SUGCT: variants seen among roughly 807,000 people sequenced by gnomAD.
The protein encoded by SUGCT is succinyl-CoA:glutarate-CoA transferase.
SUGCT carries 41 observed loss-of-function variants against 55.0 expected under a neutral mutation model. The observed-to-expected ratio is 0.74, with a 90% CI of 0.58 to 0.97. The LOEUF is 0.97. SUGCT is among the 50% of genes least tolerant of loss of function. SUGCT has a pLI of 0.00. For synonymous variants in SUGCT, 187 were observed against 200.4 expected (o/e 0.93, Z 0.56); for missense variants, 568 against 547.8 (o/e 1.04, Z -0.37).
intron 12 of SUGCT, among the ~76,000 whole-genome samples, chr7:40,622,528 G>GT (rs370877783): frequency 0.15 from 12,286 of 81,974 alleles, 772 homozygotes; most frequent in Middle Eastern, 0.21. Flanking sequence ...TGTTGTGGTT[G>GT]TTTTTTTTTT....
intron 12 of SUGCT, among the ~76,000 whole-genome samples, chr7:40,626,224 C>T (rs1799519612): frequency 6.6e-6 from 1 of 151,928 alleles, no homozygotes; most frequent in African/African-American, 2.4e-5. Flanking sequence ...ATTTTCCTGC[C>T]TTTAAAGAGA....
At chr7:40,929,011 G>A in the SUGCT span, among the ~76,000 whole-genome samples, 1 of 152,056 alleles carries the variant, frequency 6.6e-6, no homozygotes. Context: ...GTATACATGT[G>A]CCATGTTGGT....
intron 12 of SUGCT, among the ~76,000 whole-genome samples, chr7:40,649,560 T>A (rs960727509): frequency 4.6e-5 from 7 of 152,224 alleles, no homozygotes; most frequent in African/African-American, 1.7e-4. Flanking sequence ...CTATATTAAT[T>A]CTATCTTCTA....
chr7:40,716,655 T>A (rs1407018324), intron 12 of SUGCT, among the ~76,000 whole-genome samples: 1 of 152,060 alleles, frequency 6.6e-6, no homozygotes, highest in Non-Finnish European at 1.5e-5. Flanking sequence ...TTCAATTTAA[T>A]ATATAATAAT....
At chr7:40,161,571 T>C (rs1374556736) in intron 1 of SUGCT, among the ~76,000 whole-genome samples, 1 of 152,266 alleles carries the variant, frequency 6.6e-6, no homozygotes, top group Admixed American at 6.5e-5. Context: ...TTTTCTTGTT[T>C]GCACTAAAGT....
At chr7:40,278,304 A>C (rs1792676874) in intron 8 of SUGCT, among the ~76,000 whole-genome samples, 1 of 152,174 alleles carries the variant, frequency 6.6e-6, no homozygotes, top group Non-Finnish European at 1.5e-5. Flanking sequence ...GTGGAGAAAT[A>C]GGAACACTTT....
chr7:40,985,324 G>A, the SUGCT span, among the ~76,000 whole-genome samples: 255 of 152,254 alleles, frequency 1.7e-3, 1 homozygote, highest in African/African-American at 5.6e-3. Flanking sequence ...TTGTATCAGC[G>A]TTGAGCTTTC....
chr7:40,214,026 G>C (rs1210520175), intron 6 of SUGCT, among the ~76,000 whole-genome samples: 1 of 152,066 alleles, frequency 6.6e-6, no homozygotes. Flanking sequence ...TCCATTTTTA[G>C]ATTTTGAAAC....
chr7:40,777,018 G>A (rs1227784373), intron 13 of SUGCT, among the ~76,000 whole-genome samples: 1 of 152,192 alleles, frequency 6.6e-6, no homozygotes, highest in Non-Finnish European at 1.5e-5. Context: ...AGCATGAGAA[G>A]ATGCTGACAA....
At chr7:40,842,050 G>C (rs971726977) in intron 13 of SUGCT, among the ~76,000 whole-genome samples, 1 of 152,014 alleles carries the variant, frequency 6.6e-6, no homozygotes, top group East Asian at 1.9e-4. Context: ...ATTAATATTA[G>C]GAACATTGGA....
intron 12 of SUGCT, among the ~76,000 whole-genome samples, chr7:40,632,171 C>T (rs929129632): frequency 1.3e-5 from 2 of 152,122 alleles, no homozygotes; most frequent in African/African-American, 4.8e-5. Context: ...ATGACCTATT[C>T]TTGTTTGACA....
chr7:40,988,611 G>A, the SUGCT span, among the ~76,000 whole-genome samples: 3 of 151,912 alleles, frequency 2.0e-5, no homozygotes, highest in East Asian at 1.9e-4. Context: ...AAAAGTGTGT[G>A]TTTAAAAAAA....
chr7:40,918,062 G>A, the SUGCT span, among the ~76,000 whole-genome samples: 5 of 152,166 alleles, frequency 3.3e-5, no homozygotes, highest in African/African-American at 1.2e-4. Context: ...TACATGGAGA[G>A]GTGGGAAATG....
At chr7:40,960,302 T>A in the SUGCT span, among the ~76,000 whole-genome samples, 26 of 152,364 alleles carry the variant, frequency 1.7e-4, no homozygotes, top group South Asian at 5.4e-3. Flanking sequence ...GAGAGTTGTT[T>A]CTCTGCAGTT....
At chr7:40,422,075 G>A (rs1205329105) in intron 9 of SUGCT, among the ~76,000 whole-genome samples, 2 of 142,254 alleles carry the variant, frequency 1.4e-5, no homozygotes, top group Non-Finnish European at 3.0e-5. Flanking sequence ...GGGACTGTTT[G>A]TACCTTTTTT....
At chr7:40,703,336 T>C (rs1280175456) in intron 12 of SUGCT, among the ~76,000 whole-genome samples, 1 of 152,170 alleles carries the variant, frequency 6.6e-6, no homozygotes, top group Non-Finnish European at 1.5e-5. Context: ...AGGGTCCGAT[T>C]GACCATGGTT....
At chr7:40,174,960 A>G (rs926192290) in intron 1 of SUGCT, among the ~76,000 whole-genome samples, 11 of 152,168 alleles carry the variant, frequency 7.2e-5, no homozygotes, top group African/African-American at 2.7e-4. Flanking sequence ...TGAGAAAAAA[A>G]ATTTTATTGT....
At chr7:40,242,921 A>ATG (rs1169404423) in intron 7 of SUGCT, among the ~76,000 whole-genome samples, 766 of 25,134 alleles carry the variant, frequency 0.03, 53 homozygotes, top group African/African-American at 0.091. Context: ...ATATATATAT[A>ATG]TATATATATA....
At chr7:40,405,289 G>C (rs1159606499) in intron 9 of SUGCT, among the ~76,000 whole-genome samples, 1 of 152,124 alleles carries the variant, frequency 6.6e-6, no homozygotes, top group African/African-American at 2.4e-5. Flanking sequence ...CTTTTAAAGT[G>C]ATGTAGTATA....
Sources: allele counts gnomAD v4.1 joint callset (sites outside exome capture counted in the v4.1 genomes callset), GRCh38; gene constraint gnomAD v4.1.1; transcripts MANE v1.5; gene names NCBI Gene and HGNC (gene_info 2026-07-23, HGNC 2026-07-21).